The following CBL variants were observed in gnomAD, a reference collection of about 807,000 sequenced individuals.
CBL encodes Cbl proto-oncogene.
CBL carries 45 observed loss-of-function variants against 96.9 expected under a neutral mutation model. That is an observed-to-expected ratio of 0.46 (90% CI 0.37 to 0.60). The LOEUF is 0.60. Ranked by LOEUF, CBL falls within the 20% of genes least tolerant of loss-of-function variation. CBL has a pLI of 0.00. For missense variants in CBL, 1,024 were observed against 1,143.5 expected, an observed-to-expected ratio of 0.90 and a Z score of 1.51; for synonymous variants, 420 against 426.8, an observed-to-expected ratio of 0.98 and a Z score of 0.20.
At position 119,284,989 on chromosome 11, in the gene CBL, A is replaced by G. The variant is rs777194228; in HGVS notation, c.1452A>G (p.Pro484=). 2 of 1,614,068 alleles carry G rather than the reference A, an allele frequency of 1.2e-6. No homozygotes were observed. Among genetic ancestry groups the G allele is most frequent in the Non-Finnish European group, 1.7e-6 (2 of 1,180,016 alleles). Residue 484 remains proline (P), a synonymous_variant, in exon 10 of 16, where the codon CCA becomes CCG. Coordinates refer to ENST00000264033, the MANE Select transcript of CBL (RefSeq NM_005188.4). ...AGAKVERPPS[P]FSMAPQASLP... is the part of the protein sequence containing the mutation. ...CCTAGGTGGAACGGCCGCCTTCTCC[A>G]TTCTCCATGGCCCCACAAGCTTCCC...
In CBL at chr11:119,285,319, T is replaced by C. The variant is rs1174693367; in HGVS notation, c.1694T>C (p.Leu565Ser). 1.2e-6 allele frequency: 2 copies of C among 1,614,126 alleles called. No individual in the cohort carries two copies. Among genetic ancestry groups the C allele is most frequent in the Admixed American group, 3.3e-5 (2 of 60,004 alleles). ...GAESRPQRRP[L>S]PCTPGDCPSR... is the part of the protein sequence containing the mutation. ...GAATCCCGACCTCAAAGACGCCCCT[T>C]GCCTTGTACACCAGGCGACTGTCCC... The change falls in exon 11 of 16, where the codon TTG becomes TCG. Residue 565 changes from leucine (L) to serine (S), a missense_variant. Leu to Ser is a moderately radical substitution (Grantham distance 145). This residue lies in a region of CBL where 695 missense variants were observed against 661.6 expected (regional missense o/e 1.05). Coordinates refer to ENST00000264033, the MANE Select transcript of CBL (RefSeq NM_005188.4).
intron 1 of CBL, among the ~76,000 whole-genome samples, chr11:119,212,840 G>A (rs987240946): frequency 7.3e-5 from 11 of 151,360 alleles, no homozygotes; most frequent in Admixed American, 1.3e-4. Context: ...GTGAAACCCC[G>A]TCTCTACCAA....
intron 1 of CBL, among the ~76,000 whole-genome samples, chr11:119,227,613 C>T (rs1405448154): frequency 6.6e-6 from 1 of 150,868 alleles, no homozygotes; most frequent in Admixed American, 6.6e-5. Context: ...TGCAATGGTG[C>T]GATCTTGGCT....
intron 2 of CBL, among the ~76,000 whole-genome samples, chr11:119,259,645 G>A (rs1388320926): frequency 6.6e-6 from 1 of 152,050 alleles, no homozygotes; most frequent in Non-Finnish European, 1.5e-5. Context: ...CCCCAAAATT[G>A]ATAATTTTTG....
intron 6 of CBL, among the ~76,000 whole-genome samples, chr11:119,277,078 T>G (rs1336256568): frequency 2.0e-5 from 3 of 152,182 alleles, no homozygotes; most frequent in African/African-American, 7.2e-5. Flanking sequence ...AAACCCTGTC[T>G]GTACTAAAAG....
chr11:119,290,122 T>C (rs1950014359), intron 12 of CBL, among the ~76,000 whole-genome samples: 1 of 152,098 alleles, frequency 6.6e-6, no homozygotes, highest in African/African-American at 2.4e-5. Flanking sequence ...CTTGGCTCAC[T>C]GCAGCCTAAA....
At chr11:119,278,748 T>C in intron 9 of CBL, 35 bp downstream of exon 9, 16 of 1,544,830 alleles carry the variant, frequency 1.0e-5, no homozygotes, top group African/African-American at 1.4e-5. Flanking sequence ...GCAAAATCCA[T>C]TGTGAGTTGT....
chr11:119,264,961 C>T (rs780462688), intron 2 of CBL, among the ~76,000 whole-genome samples: 38 of 152,128 alleles, frequency 2.5e-4, no homozygotes, highest in Non-Finnish European at 4.1e-4. Flanking sequence ...ACTGCAACCT[C>T]CACTTGCCAG....
At chr11:119,244,016 A>AC (rs1257936227) in intron 2 of CBL, among the ~76,000 whole-genome samples, 1 of 152,186 alleles carries the variant, frequency 6.6e-6, no homozygotes, top group Non-Finnish European at 1.5e-5. Context: ...GGTATGAGCC[A>AC]CTACTCCTGA....
intron 2 of CBL, among the ~76,000 whole-genome samples, chr11:119,235,324 T>G (rs1174983676): frequency 6.6e-6 from 1 of 152,072 alleles, no homozygotes; most frequent in African/African-American, 2.4e-5. Flanking sequence ...CATATTGGCT[T>G]GGCTGGTCTC....
In CBL at chr11:119,277,841, C is replaced by A; in HGVS notation, c.1092C>A (p.Thr364=). 6.2e-7 allele frequency: 1 copy of A among 1,608,986 alleles called. No individual in the cohort carries two copies. Among genetic ancestry groups the A allele is most frequent in the Non-Finnish European group, 8.5e-7 (1 of 1,175,400 alleles). ...CTCCCCAAGACCATATCAAAGTGAC[C>A]CAGGTGAGTTTTGTTTCACATGATA... The part of the protein sequence containing the change: ...EPTPQDHIKV[T]QEQYELYCEM... The change falls in exon 7 of 16, where the codon ACC becomes ACA. Residue 364 remains threonine (T), a synonymous_variant. Coordinates refer to ENST00000264033, the MANE Select transcript of CBL (RefSeq NM_005188.4).
chr11:119,245,168 G>A (rs73003019), intron 2 of CBL, among the ~76,000 whole-genome samples: 35,320 of 142,002 alleles, frequency 0.25, 4,406 homozygotes, highest in East Asian at 0.42. Context: ...CACCTTGCCC[G>A]ACCAGTTTTT....
rs547972887 is a variant in CBL, at chr11:119,249,134, G to A, written c.443+16439G>A. ...AAAGCAAGGACTTGAACAGATATTT[G>A]TACACCCATGTTCATAGCAGCAGTT... On this transcript the variant is annotated intron_variant, in intron 2 of 15. Coordinates refer to ENST00000264033, the MANE Select transcript of CBL (RefSeq NM_005188.4). Among the ~76,000 whole-genome samples the A allele has an allele frequency of 2.0e-5, 3 of 152,274 alleles. No individual in the cohort carries two copies. The South Asian group carries it at 6.2e-4, about 32-fold the overall frequency.
At chr11:119,294,343 T>TC (rs1950049214) in intron 12 of CBL, among the ~76,000 whole-genome samples, 1 of 147,814 alleles carries the variant, frequency 6.8e-6, no homozygotes. Context: ...GCAGGAGAAA[T>TC]GCTTGAATCT....
At chr11:119,250,250 A>G (rs1448954654) in intron 2 of CBL, among the ~76,000 whole-genome samples, 3 of 152,160 alleles carry the variant, frequency 2.0e-5, no homozygotes, top group African/African-American at 2.4e-5. Flanking sequence ...CCTGATGTCC[A>G]TTGAATTGTA....
At chr11:119,221,992 ATCC>A (rs1423060462) in intron 1 of CBL, among the ~76,000 whole-genome samples, 2 of 152,210 alleles carry the variant, frequency 1.3e-5, no homozygotes, top group Non-Finnish European at 2.9e-5. Context: ...GTGCTCTAGT[ATCC>A]TCCTCTCTTC....
Position 119,305,946 on chromosome 11 carries a change from G to A in CBL, c.*6165G>A, listed in dbSNP as rs1003631597. ...AAAGATGTCCATCAAGGGAGGAAGG[G>A]TGGGTCATCAGACTTTGCCTTTGAT... On this transcript the variant is annotated 3_prime_UTR_variant, in exon 16 of 16. Coordinates refer to ENST00000264033, the MANE Select transcript of CBL (RefSeq NM_005188.4). The A allele has an allele frequency of 7.1e-6, 2 of 281,582 alleles. No individual in the cohort carries two copies. The highest frequency in any genetic ancestry group is 1.7e-4 in the South Asian group (1 of 6,002). The allele number at this position is 281,582 out of a possible 1,614,324, so 17.4% of individuals were successfully genotyped here.
At chr11:119,241,863 G>T (rs557024138) in intron 2 of CBL, among the ~76,000 whole-genome samples, 6 of 152,264 alleles carry the variant, frequency 3.9e-5, no homozygotes, top group African/African-American at 1.2e-4. Flanking sequence ...GAAAGAAGTG[G>T]GCAGAATTTG....
chr11:119,264,275 A>G (rs1949778143), intron 2 of CBL, among the ~76,000 whole-genome samples: 1 of 150,412 alleles, frequency 6.6e-6, no homozygotes, highest in East Asian at 2.0e-4. Flanking sequence ...CCAGGCTGGT[A>G]CGAAACTCCT....
Sources: gnomAD v4.1 joint callset for allele counts (sites outside exome capture counted in the v4.1 genomes callset) on GRCh38, gnomAD v4.1.1 for gene constraint, gnomAD v4.1.1 regional missense constraint, MANE v1.5 for transcripts, NCBI Gene and HGNC (gene_info 2026-07-23, HGNC 2026-07-21) for gene names.